The following DLGAP1 variants were observed in gnomAD, a reference collection of about 807,000 sequenced individuals.
DLGAP1 encodes disks large-associated protein 1.
In DLGAP1, 11 loss-of-function variants were observed where a neutral mutation model predicts 90.8. The observed-to-expected ratio is 0.12, with a 90% CI of 0.08 to 0.20. The LOEUF is 0.20. DLGAP1 is among the 10% of genes least tolerant of loss of function. The pLI is 1.00. For missense variants in DLGAP1, 1,050 were observed against 1,333.8 expected, an observed-to-expected ratio of 0.79 and a Z score of 3.31; for synonymous variants, 558 against 540.7, an observed-to-expected ratio of 1.03 and a Z score of -0.44.
At chr18:4,066,470 C>T (rs1013626893) in intron 2 of DLGAP1, among the ~76,000 whole-genome samples, 1 of 151,938 alleles carries the variant, frequency 6.6e-6, no homozygotes, top group Admixed American at 6.6e-5. Flanking sequence ...AGAACTTAAA[C>T]AAATTTACAA....
At chr18:4,384,075 G>C (rs191801093) in intron 1 of DLGAP1, among the ~76,000 whole-genome samples, 3 of 152,246 alleles carry the variant, frequency 2.0e-5, no homozygotes, top group Admixed American at 2.0e-4. Context: ...CAACAGCAAC[G>C]AGACTTACTC....
At position 3,496,301 on chromosome 18, in the gene DLGAP1, C is replaced by A. The variant is rs1171497146; in HGVS notation, c.*2884G>T. ...CAGTTATTTAAAATATGCATCTAGA[C>A]ATGTTTTAAAAAAGAAATGGTAAAT... is the stretch of plus-strand genomic sequence containing the variant. On this transcript the variant is annotated 3_prime_UTR_variant, in exon 13 of 13. Transcript: ENST00000315677. 6.6e-6 allele frequency: 1 copy of A among 151,980 alleles called. No homozygotes were observed. The highest frequency in any genetic ancestry group is 2.4e-5 in the African/African-American group (1 of 41,374). The allele number at this position is 151,980 out of a possible 1,614,324, so 9.4% of individuals were successfully genotyped here. A position where few individuals can be genotyped will look rare whatever the true frequency, so the allele number is the denominator to read the frequency against.
intron 1 of DLGAP1, among the ~76,000 whole-genome samples, chr18:4,212,490 A>G (rs2077863755): frequency 6.7e-6 from 1 of 149,540 alleles, no homozygotes; most frequent in South Asian, 2.1e-4. Flanking sequence ...ACATGGTGAA[A>G]CCATGTCTCT....
intron 1 of DLGAP1, among the ~76,000 whole-genome samples, chr18:4,214,799 A>G (rs1246923533): frequency 1.3e-5 from 2 of 152,180 alleles, no homozygotes; most frequent in Non-Finnish European, 2.9e-5. Context: ...TAATCAGGGC[A>G]ATTTTCTATT....
intron 1 of DLGAP1, among the ~76,000 whole-genome samples, chr18:4,430,373 G>A (rs1246426652): frequency 6.6e-6 from 1 of 152,094 alleles, no homozygotes; most frequent in Non-Finnish European, 1.5e-5. Flanking sequence ...TTTTTATACA[G>A]TCATTAATAG....
intron 1 of DLGAP1, among the ~76,000 whole-genome samples, chr18:4,405,405 AT>A (rs2082641446): frequency 6.6e-6 from 1 of 152,136 alleles, no homozygotes; most frequent in South Asian, 2.1e-4. Context: ...TTCATAATTA[AT>A]TGCAAGTGAA....
chr18:3,897,939 C>T (rs1027099912), intron 3 of DLGAP1, among the ~76,000 whole-genome samples: 28 of 151,592 alleles, frequency 1.8e-4, no homozygotes, highest in South Asian at 1.3e-3. Context: ...GGACTACAGG[C>T]GCCCGCCACC....
At chr18:3,580,509 A>G in intron 8 of DLGAP1, 1 of 1,599,934 alleles carries the variant, frequency 6.3e-7, no homozygotes, top group Non-Finnish European at 8.5e-7. Context: ...GAGGAGGAGG[A>G]GGAAGAGGAG....
chr18:3,883,244 AAAAC>A lies in DLGAP1; in HGVS notation c.-72-3108_-72-3105del, dbSNP rs556696484. 2.5e-3 allele frequency among the ~76,000 whole-genome samples: 375 copies of A among 152,300 alleles called. 3 individuals are homozygous for A. The highest frequency in any genetic ancestry group is 7.7e-3 in the African/African-American group (321 of 41,572). On this transcript the variant is annotated intron_variant, in intron 3 of 12. Transcript: ENST00000315677. ...GGGTGACAGAGCAAGATTCCATCTC[AAAAC>A]AAACAAACAAACAAACAAAAACAAA...
chr18:3,762,842 A>G (rs1487450121), intron 5 of DLGAP1, among the ~76,000 whole-genome samples: 1 of 152,202 alleles, frequency 6.6e-6, no homozygotes, highest in Non-Finnish European at 1.5e-5. Context: ...ACTCTTTTCT[A>G]AAGTCAGACA....
At chr18:4,094,752 C>T (rs2075649374) in intron 2 of DLGAP1, among the ~76,000 whole-genome samples, 1 of 151,922 alleles carries the variant, frequency 6.6e-6, no homozygotes, top group Admixed American at 6.6e-5. Flanking sequence ...CATGCGCCAC[C>T]ATGCCTGGCT....
intron 7 of DLGAP1, among the ~76,000 whole-genome samples, chr18:3,705,280 A>C (rs1260008646): frequency 6.6e-6 from 1 of 151,678 alleles, no homozygotes; most frequent in East Asian, 1.9e-4. Flanking sequence ...TGTGGAAAGA[A>C]ACATTTTCAA....
intron 4 of DLGAP1, among the ~76,000 whole-genome samples, chr18:3,871,184 A>G (rs1325160651): frequency 2.6e-5 from 4 of 152,238 alleles, no homozygotes; most frequent in African/African-American, 7.2e-5. Flanking sequence ...GACTGATTTC[A>G]TCGAGGTATT....
chr18:3,751,500 G>A (rs1598589853), intron 5 of DLGAP1, among the ~76,000 whole-genome samples: 1 of 150,632 alleles, frequency 6.6e-6, no homozygotes, highest in Admixed American at 6.6e-5. Flanking sequence ...GTATTGTTAT[G>A]TTGCCCTGGC....
At chr18:3,856,865 CA>C (rs912071937) in intron 4 of DLGAP1, among the ~76,000 whole-genome samples, 90 of 137,500 alleles carry the variant, frequency 6.5e-4, no homozygotes, top group Non-Finnish European at 6.7e-4. Flanking sequence ...CGTCCCCCTC[CA>C]AAAAAAAAAA....
chr18:3,548,088 G>A (rs1337267667), intron 9 of DLGAP1, among the ~76,000 whole-genome samples: 1 of 152,158 alleles, frequency 6.6e-6, no homozygotes, highest in Non-Finnish European at 1.5e-5. Flanking sequence ...ACAGAGACTG[G>A]GAGGAGAAAG....
intron 7 of DLGAP1, among the ~76,000 whole-genome samples, chr18:3,712,768 A>C (rs1297593959): frequency 6.6e-6 from 1 of 152,206 alleles, no homozygotes; most frequent in Non-Finnish European, 1.5e-5. Context: ...GGCAATCACA[A>C]GTTTTAGTTA....
rs1362725976 is a variant in DLGAP1, at chr18:4,433,199, GA to G, written c.-267+21806del. On this transcript the variant is annotated intron_variant, in intron 1 of 12. Transcript: ENST00000315677. ...TTCCTAATCATGGCCTCACATTAAG[GA>G]GTTAGTTGGATAACTGGGGCTAAGT... Among the ~76,000 whole-genome samples the G allele has an allele frequency of 2.0e-5, 3 of 152,158 alleles. No individual in the cohort carries two copies. In the East Asian group the frequency reaches 5.8e-4, roughly 29 times the overall value.
At chr18:3,812,982 C>T (rs1166553393) in intron 5 of DLGAP1, among the ~76,000 whole-genome samples, 1 of 152,026 alleles carries the variant, frequency 6.6e-6, no homozygotes, top group African/African-American at 2.4e-5. Flanking sequence ...TTTTCAGGTC[C>T]AAATGGAATT....
Sources: allele counts gnomAD v4.1 joint callset (sites outside exome capture counted in the v4.1 genomes callset), GRCh38; gene constraint gnomAD v4.1.1; transcripts MANE v1.5; gene names NCBI Gene and HGNC (gene_info 2026-07-23, HGNC 2026-07-21).